The following ANXA8 variants were observed in gnomAD, a reference collection of about 807,000 sequenced individuals.
The protein encoded by ANXA8 is annexin A8, also known as VAC-beta.
In ANXA8, 9 loss-of-function variants were observed where a neutral mutation model predicts 26.8. The ratio of observed to expected loss-of-function variants is 0.34; its 90% CI spans 0.20 to 0.59. The LOEUF (loss-of-function observed/expected upper bound fraction) is 0.59. Ranked by LOEUF, ANXA8 falls within the 20% of genes least tolerant of loss-of-function variation. The pLI is 0.84. For synonymous variants in ANXA8, 39 were observed against 94.8 expected, an observed-to-expected ratio of 0.41 and a Z score of 3.42; for missense variants, 83 against 238.5, an observed-to-expected ratio of 0.35 and a Z score of 4.29.
At chr10:47,534,907 G>T in the ANXA8 span, among the ~76,000 whole-genome samples, 1 of 95,042 alleles carries the variant, frequency 1.1e-5, no homozygotes, top group Admixed American at 1.1e-4. Context: ...CATCCACCTC[G>T]GCCTCCCAAA....
the ANXA8 span, among the ~76,000 whole-genome samples, chr10:47,776,371 T>C: frequency 2.0e-5 from 3 of 150,112 alleles, no homozygotes; most frequent in African/African-American, 7.4e-5. Flanking sequence ...TGCAAATTGG[T>C]TTTTAAAAAA....
chr10:47,558,046 T>C, the ANXA8 span, among the ~76,000 whole-genome samples: 2 of 151,920 alleles, frequency 1.3e-5, no homozygotes, highest in African/African-American at 2.4e-5. Context: ...AAAAATCAGA[T>C]CAGTGCTTTG....
chr10:47,672,503 T>C, the ANXA8 span, among the ~76,000 whole-genome samples: 2 of 151,584 alleles, frequency 1.3e-5, no homozygotes, highest in African/African-American at 2.4e-5. Context: ...CTTAAACTTA[T>C]AATTTATAAA....
At chr10:47,705,015 C>T in the ANXA8 span, among the ~76,000 whole-genome samples, 1 of 152,036 alleles carries the variant, frequency 6.6e-6, no homozygotes, top group Admixed American at 6.6e-5. Flanking sequence ...CCTGTAATGC[C>T]AGCACTTTGG....
chr10:47,679,678 G>C, the ANXA8 span, among the ~76,000 whole-genome samples: 1 of 151,710 alleles, frequency 6.6e-6, no homozygotes, highest in African/African-American at 2.4e-5. Context: ...CAGCATTTTG[G>C]GAGGTCAAGG....
chr10:47,740,104 C>A, the ANXA8 span, among the ~76,000 whole-genome samples: 4 of 122,758 alleles, frequency 3.3e-5, no homozygotes, highest in African/African-American at 1.2e-4. Flanking sequence ...AAAAATAAAA[C>A]CAACAACAAA....
chr10:47,595,237 A>G, the ANXA8 span, among the ~76,000 whole-genome samples: 1 of 148,538 alleles, frequency 6.7e-6, no homozygotes, highest in Non-Finnish European at 1.5e-5. Context: ...TATCACCACT[A>G]GACTAGCCCT....
chr10:47,490,185 G>A, the ANXA8 span: 22 of 180,394 alleles, frequency 1.2e-4, no homozygotes, highest in African/African-American at 2.9e-4. Flanking sequence ...CCAACAAAAC[G>A]GAATTCTCTG....
the ANXA8 span, among the ~76,000 whole-genome samples, chr10:47,495,047 C>T: frequency 1.3e-4 from 20 of 149,686 alleles, no homozygotes; most frequent in Admixed American, 2.6e-4. Context: ...AGAATCTGAG[C>T]GAATAACCAC....
At chr10:47,626,183 GA>G in the ANXA8 span, among the ~76,000 whole-genome samples, 1 of 150,002 alleles carries the variant, frequency 6.7e-6, no homozygotes, top group Non-Finnish European at 1.5e-5. Context: ...AATAGCCTAA[GA>G]AATAGGTTTG....
chr10:47,955,197 C>T, the ANXA8 span, among the ~76,000 whole-genome samples: 106 of 149,868 alleles, frequency 7.1e-4, 1 homozygote, highest in African/African-American at 2.2e-3. Flanking sequence ...CCATGTAAGA[C>T]GCGACTTGCT....
At chr10:47,558,625 G>A in the ANXA8 span, among the ~76,000 whole-genome samples, 280 of 151,238 alleles carry the variant, frequency 1.9e-3, 7 homozygotes, top group African/African-American at 6.6e-3. Flanking sequence ...CTGAGCTCAA[G>A]TTCTCCTGCC....
the ANXA8 span, among the ~76,000 whole-genome samples, chr10:47,944,271 C>G: frequency 6.8e-6 from 1 of 147,288 alleles, no homozygotes; most frequent in Non-Finnish European, 1.5e-5. Context: ...CCTGCACAAC[C>G]CAGCCTCCTA....
the ANXA8 span, among the ~76,000 whole-genome samples, chr10:47,936,938 G>A: frequency 6.6e-5 from 10 of 150,984 alleles, no homozygotes; most frequent in Non-Finnish European, 7.4e-5. Flanking sequence ...AGGAGTTTGC[G>A]GCCCCAAGAT....
chr10:47,693,290 A>ATCTT, the ANXA8 span, among the ~76,000 whole-genome samples: 1 of 147,864 alleles, frequency 6.8e-6, no homozygotes, highest in African/African-American at 2.6e-5. Context: ...GTCAAGTACA[A>ATCTT]TCTTTTTTTT....
At chr10:47,584,881 A>G in the ANXA8 span, among the ~76,000 whole-genome samples, 56 of 140,172 alleles carry the variant, frequency 4.0e-4, 2 homozygotes, top group African/African-American at 1.5e-3. Context: ...TGAGGTCAGG[A>G]GTTTGAGACC....
the ANXA8 span, among the ~76,000 whole-genome samples, chr10:47,714,601 C>CG: frequency 1.5e-4 from 9 of 59,088 alleles, no homozygotes; most frequent in South Asian, 7.9e-4. Context: ...GAATTGTGGC[C>CG]GGCGCGGTGG....
chr10:47,552,250 C>G, the ANXA8 span, among the ~76,000 whole-genome samples: 1 of 151,752 alleles, frequency 6.6e-6, no homozygotes, highest in Non-Finnish European at 1.5e-5. Context: ...TATATCTGTA[C>G]TTTTCAGCCA....
chr10:47,487,780 T>C (rs1375290958), upstream of ANXA8, among the ~76,000 whole-genome samples: 1 of 147,854 alleles, frequency 6.8e-6, no homozygotes, highest in African/African-American at 2.5e-5. Context: ...TAGTGTTTTT[T>C]TTTTTGGCTA....
Sources: gnomAD v4.1 joint callset for allele counts (sites outside exome capture counted in the v4.1 genomes callset) on GRCh38, gnomAD v4.1.1 for gene constraint, MANE v1.5 for transcripts, NCBI Gene and HGNC (gene_info 2026-07-23, HGNC 2026-07-21) for gene names.